Variants in RPTOR observed in about 807,000 individuals in gnomAD.
RPTOR encodes regulatory associated protein of MTOR complex 1, also known as regulatory-associated protein of mTOR.
In RPTOR, 21 loss-of-function variants were observed where a neutral mutation model predicts 169.9. That is an observed-to-expected ratio of 0.12 (90% CI 0.09 to 0.18). RPTOR has a LOEUF of 0.18. Ranked by LOEUF, RPTOR falls within the 10% of genes least tolerant of loss-of-function variation. RPTOR has a pLI of 1.00. For missense variants in RPTOR, 1,133 were observed against 1,855.9 expected, an observed-to-expected ratio of 0.61 and a Z score of 7.16; for synonymous variants, 732 against 753.2, an observed-to-expected ratio of 0.97 and a Z score of 0.46.
At chr17:80,928,914 G>A (rs549635925) in intron 24 of RPTOR, among the ~76,000 whole-genome samples, 1 of 152,184 alleles carries the variant, frequency 6.6e-6, no homozygotes, top group Non-Finnish European at 1.5e-5. Flanking sequence ...CTGTTGGTGG[G>A]TGGGTCCAGT....
intron 6 of RPTOR, among the ~76,000 whole-genome samples, chr17:80,786,869 G>A (rs896006641): frequency 2.6e-5 from 4 of 152,190 alleles, no homozygotes; most frequent in African/African-American, 4.8e-5. Context: ...ACTTGTTTGC[G>A]TACCCAGCCT....
chr17:80,634,703 ACTGTGTGTGTGCG>A (rs2065487417), intron 2 of RPTOR, among the ~76,000 whole-genome samples: 1 of 64,352 alleles, frequency 1.6e-5, no homozygotes, highest in African/African-American at 7.3e-5. Context: ...GCGTGTGCGT[ACTGTGTGTGTGCG>A]TACTGTGTGT....
intron 18 of RPTOR, 37 bp downstream of exon 18, chr17:80,891,874 C>T (rs773598534): frequency 9.5e-6 from 14 of 1,472,570 alleles, no homozygotes; most frequent in East Asian, 2.3e-5. Flanking sequence ...CAGAGCACCT[C>T]GCCTGGCGGT....
At chr17:80,663,745 G>T (rs1361754323) in intron 3 of RPTOR, among the ~76,000 whole-genome samples, 1 of 152,044 alleles carries the variant, frequency 6.6e-6, no homozygotes, top group African/African-American at 2.4e-5. Context: ...CCCCTCCCCA[G>T]TCACAGTCCC....
chr17:80,895,838 T>C (rs575211910), intron 20 of RPTOR, among the ~76,000 whole-genome samples: 1 of 152,354 alleles, frequency 6.6e-6, no homozygotes, highest in East Asian at 1.9e-4. Context: ...TCTGCCTTGA[T>C]TGCAGTGAGG....
intron 3 of RPTOR, among the ~76,000 whole-genome samples, chr17:80,660,928 G>GT (rs2065718409): frequency 6.6e-6 from 1 of 152,116 alleles, no homozygotes; most frequent in Non-Finnish European, 1.5e-5. Context: ...TGGAAACAAG[G>GT]CAAGGTCAAG....
intron 6 of RPTOR, among the ~76,000 whole-genome samples, chr17:80,785,183 A>G (rs2066979236): frequency 6.6e-6 from 1 of 152,220 alleles, no homozygotes; most frequent in African/African-American, 2.4e-5. Flanking sequence ...CGTGCCAGCT[A>G]AGGTGAAGTA....
At chr17:80,813,767 T>C (rs1422493527) in intron 7 of RPTOR, among the ~76,000 whole-genome samples, 2 of 152,264 alleles carry the variant, frequency 1.3e-5, no homozygotes, top group Non-Finnish European at 1.5e-5. Context: ...GTCATTTTCA[T>C]AGTAGTCATT....
intron 2 of RPTOR, 146 bp from the exon 3 acceptor site, chr17:80,643,582 T>A (rs2065569843): frequency 1.7e-6 from 1 of 586,960 alleles, no homozygotes; most frequent in Non-Finnish European, 3.0e-6. Flanking sequence ...TAAATCTGGT[T>A]AACACTGATC....
At chr17:80,599,900 G>A (rs898439453) in intron 1 of RPTOR, among the ~76,000 whole-genome samples, 1 of 152,186 alleles carries the variant, frequency 6.6e-6, no homozygotes, top group Non-Finnish European at 1.5e-5. Context: ...AGATTTCCAG[G>A]CAGAAAATTC....
At chr17:80,949,126 G>A (rs1255406550) in intron 27 of RPTOR, among the ~76,000 whole-genome samples, 1 of 152,160 alleles carries the variant, frequency 6.6e-6, no homozygotes. Flanking sequence ...ATGCCCTGGA[G>A]CTGGAGGGAG....
rs1598426480 is a variant in RPTOR, at chr17:80,959,383, G to A, written c.3478-695G>A. On this transcript the variant is annotated intron_variant, in intron 29 of 33. Transcript: ENST00000306801. The surrounding 1 kb of genome is among the most constrained non-coding windows in gnomAD (Gnocchi z 6.7). ...GCTGTTCCTGCAGAGGTGGGTGGAG[G>A]CACAGAGCGCAGCAGGTGCTCCCAG... Among the ~76,000 whole-genome samples, 1 of 152,190 alleles carries A rather than the reference G, an allele frequency of 6.6e-6. No homozygotes were observed. Among genetic ancestry groups the A allele is most frequent in the African/African-American group, 2.4e-5 (1 of 41,454 alleles).
At chr17:80,838,321 G>A (rs2067587881) in intron 10 of RPTOR, among the ~76,000 whole-genome samples, 1 of 152,110 alleles carries the variant, frequency 6.6e-6, no homozygotes, top group Admixed American at 6.5e-5. Flanking sequence ...GACGCGTTGT[G>A]GATCTCCCCC....
At chr17:80,841,743 TCCCCG>T (rs2067665636) in intron 10 of RPTOR, among the ~76,000 whole-genome samples, 1 of 128,498 alleles carries the variant, frequency 7.8e-6, no homozygotes, top group East Asian at 2.5e-4. Flanking sequence ...CAGCTCACTC[TCCCCG>T]CACGGCAGCT....
chr17:80,750,229 A>G (rs1337298070), intron 5 of RPTOR, among the ~76,000 whole-genome samples: 1 of 152,220 alleles, frequency 6.6e-6, no homozygotes, highest in East Asian at 1.9e-4. Flanking sequence ...TGTCCTTTTG[A>G]AAAGGAAAAT....
intron 4 of RPTOR, among the ~76,000 whole-genome samples, chr17:80,727,703 A>G (rs1302585081): frequency 6.6e-6 from 1 of 152,214 alleles, no homozygotes; most frequent in Non-Finnish European, 1.5e-5. Flanking sequence ...TAGAAGAGAG[A>G]GAAAATCAGA....
At position 80,746,936 on chromosome 17, in the gene RPTOR, G is replaced by T. The variant is rs964888822; in HGVS notation, c.655-7074G>T. Among the ~76,000 whole-genome samples the T allele has an allele frequency of 2.0e-5, 3 of 151,718 alleles. No homozygotes were observed. Among genetic ancestry groups the T allele is most frequent in the African/African-American group, 7.3e-5 (3 of 41,274 alleles). On this transcript the variant is annotated intron_variant, in intron 5 of 33. Coordinates refer to ENST00000306801, the MANE Select transcript of RPTOR (RefSeq NM_020761.3). This position sits in a 1 kb window ranked among gnomAD's most constrained non-coding sequence, Gnocchi z 4.5. Reference sequence around the variant, plus strand: ...ATGTTTTTTAAAAATGCTAGGTTCTGGGTGGGTGCGGTGGGTCAGGCCTGT... The same window carrying T: ...ATGTTTTTTAAAAATGCTAGGTTCTTGGTGGGTGCGGTGGGTCAGGCCTGT...
chr17:80,695,903 G>A lies in RPTOR; in HGVS notation c.349-11938G>A, dbSNP rs1036945629. Among the ~76,000 whole-genome samples, 1 of 152,200 alleles carries A rather than the reference G, an allele frequency of 6.6e-6. No individual in the cohort carries two copies. The highest frequency in any genetic ancestry group is 2.4e-5 in the African/African-American group (1 of 41,444). On this transcript the variant is annotated intron_variant, in intron 3 of 33. Coordinates refer to ENST00000306801, the MANE Select transcript of RPTOR (RefSeq NM_020761.3). The surrounding 1 kb of genome is among the most constrained non-coding windows in gnomAD (Gnocchi z 4.9). ...CCTCGTGGCTGCCTTTTCTACCTGCGTGAGCTGGCTTTGATCTACCCCGGA... is the reference window on the plus strand; with the variant it reads ...CCTCGTGGCTGCCTTTTCTACCTGCATGAGCTGGCTTTGATCTACCCCGGA...
intron 10 of RPTOR, among the ~76,000 whole-genome samples, chr17:80,842,057 C>T (rs2067676272): frequency 6.6e-6 from 1 of 152,158 alleles, no homozygotes; most frequent in South Asian, 2.1e-4. Flanking sequence ...AGCTCACACT[C>T]ACGGCGCTGC....
Sources: gnomAD v4.1 joint callset for allele counts (sites outside exome capture counted in the v4.1 genomes callset) on GRCh38, gnomAD v4.1.1 for gene constraint, Gnocchi (gnomAD v3.1) non-coding constraint, MANE v1.5 for transcripts, NCBI Gene and HGNC (gene_info 2026-07-23, HGNC 2026-07-21) for gene names.